Variants in RAB18 observed in about 807,000 individuals in gnomAD.
RAB18 encodes RAB18, member RAS oncogene family.
RAB18 carries 10 observed loss-of-function variants against 28.5 expected under a neutral mutation model. That is an observed-to-expected ratio of 0.35 (90% CI 0.22 to 0.60). RAB18 has a LOEUF of 0.60. Among genes scored for constraint, RAB18 ranks in the 20% least tolerant of loss-of-function variants. The pLI, the probability that RAB18 is intolerant of heterozygous loss-of-function variation, is 0.78. For missense variants in RAB18, 188 were observed against 244.2 expected (o/e 0.77, Z 1.53); for synonymous variants, 93 against 86.9 (o/e 1.07, Z -0.39).
At chr10:27,511,417 G>A (rs1465819204) in intron 2 of RAB18, among the ~76,000 whole-genome samples, 1 of 152,044 alleles carries the variant, frequency 6.6e-6, no homozygotes, top group Non-Finnish European at 1.5e-5. Flanking sequence ...TGTTGGCCAG[G>A]CTGGTCTTGA....
At chr10:27,522,097 T>C (rs1834571459) in intron 2 of RAB18, among the ~76,000 whole-genome samples, 1 of 152,140 alleles carries the variant, frequency 6.6e-6, no homozygotes, top group African/African-American at 2.4e-5. Context: ...TGGAATTCAG[T>C]CAGGCAATAA....
intron 2 of RAB18, among the ~76,000 whole-genome samples, chr10:27,510,646 G>T (rs1834306547): frequency 6.6e-6 from 1 of 152,160 alleles, no homozygotes; most frequent in South Asian, 2.1e-4. Context: ...GGTTGACTTT[G>T]CCTTGAATTA....
intron 1 of RAB18, chr10:27,504,974 A>G (rs749402953): frequency 2.4e-5 from 13 of 532,834 alleles, no homozygotes; most frequent in Non-Finnish European, 5.0e-5. Context: ...TTACTTTTTT[A>G]TTAGTCGGCT....
chr10:27,521,847 T>TA (rs150407024), intron 2 of RAB18, among the ~76,000 whole-genome samples: 5,385 of 140,734 alleles, frequency 0.038, 281 homozygotes, highest in African/African-American at 0.12. Context: ...CCTATTGAAA[T>TA]AAAAAAAAAA....
At position 27,539,198 on chromosome 10, in the gene RAB18, A is replaced by AT. The variant is rs1834968980; in HGVS notation, c.*1154dup. 3.0e-6 allele frequency: 1 copy of AT among 330,124 alleles called. No homozygotes were observed. Among genetic ancestry groups the AT allele is most frequent in the Non-Finnish European group, 5.9e-6 (1 of 170,134 alleles). 20.4% of individuals were successfully genotyped at this position (330,124 alleles called of 1,614,324 possible). ...CACCTCTTGCTATTGTATATTGTAGATTTTTTTCATTCATGTGTTATTTAA... is the reference window on the plus strand; with the variant it reads ...CACCTCTTGCTATTGTATATTGTAGATTTTTTTTCATTCATGTGTTATTTAA... On this transcript the variant is annotated 3_prime_UTR_variant, in exon 7 of 7. Coordinates refer to ENST00000356940, the MANE Select transcript of RAB18 (RefSeq NM_021252.5).
rs1278108188 is a variant in RAB18, at chr10:27,504,319, T to C, written c.-51T>C. 1.3e-6 allele frequency: 2 copies of C among 1,539,140 alleles called. No individual in the cohort carries two copies. Among genetic ancestry groups the C allele is most frequent in the Non-Finnish European group, 1.8e-6 (2 of 1,137,384 alleles). On this transcript the variant is annotated 5_prime_UTR_variant, in exon 1 of 7. Transcript: ENST00000356940. Reference sequence around the variant, plus strand: ...GCAGCAGCTCACTCTGCTGAAGGGCTGAGAGGCGCACCCGGGCGGCCAGCT... The same window carrying C: ...GCAGCAGCTCACTCTGCTGAAGGGCCGAGAGGCGCACCCGGGCGGCCAGCT...
Position 27,539,271 on chromosome 10 carries a change from C to T in RAB18, c.*1220C>T. 3 of 307,656 alleles carry T rather than the reference C, an allele frequency of 9.8e-6. No homozygotes were observed. The highest frequency in any genetic ancestry group is 6.3e-6 in the Non-Finnish European group (1 of 159,314). 19.1% of individuals were successfully genotyped at this position (307,656 alleles called of 1,614,324 possible). A position where few individuals can be genotyped will look rare whatever the true frequency, so the allele number is the denominator to read the frequency against. On this transcript the variant is annotated 3_prime_UTR_variant, in exon 7 of 7. Transcript: ENST00000356940. ...TAACCCCCCAAATAAGTTATTTGTC[C>T]TTTAAGGTTGGTTACTATAATACCC...
intron 1 of RAB18, chr10:27,504,691 A>G: frequency 2.8e-6 from 2 of 720,810 alleles, no homozygotes; most frequent in Non-Finnish European, 5.2e-6. Flanking sequence ...GCGCCGAGAA[A>G]ACACCATTCC....
chr10:27,509,631 T>A (rs556421858), intron 1 of RAB18, among the ~76,000 whole-genome samples: 35 of 152,290 alleles, frequency 2.3e-4, no homozygotes, highest in Admixed American at 3.9e-4. Context: ...CTTGGGGGAT[T>A]GTGTAGGAGA....
intron 4 of RAB18, among the ~76,000 whole-genome samples, chr10:27,533,222 A>G (rs560327572): frequency 6.6e-6 from 1 of 152,216 alleles, no homozygotes; most frequent in Admixed American, 6.5e-5. Context: ...GTTATAATGC[A>G]GAATGACATA....
intron 2 of RAB18, among the ~76,000 whole-genome samples, chr10:27,511,584 A>G (rs1055302404): frequency 2.6e-5 from 4 of 152,142 alleles, no homozygotes; most frequent in Admixed American, 2.6e-4. Context: ...AGAGTAAATA[A>G]TTATTTTGTA....
intron 2 of RAB18, among the ~76,000 whole-genome samples, chr10:27,522,589 T>TA (rs1277318038): frequency 2.0e-5 from 3 of 152,192 alleles, no homozygotes; most frequent in Admixed American, 1.3e-4. Context: ...TTTATTTCCT[T>TA]AAAGAGTTTT....
At chr10:27,536,578 C>G (rs981314884) in intron 6 of RAB18, among the ~76,000 whole-genome samples, 2 of 152,016 alleles carry the variant, frequency 1.3e-5, no homozygotes, top group Non-Finnish European at 2.9e-5. Context: ...AAGATTGAAC[C>G]CTGGGGGATT....
chr10:27,506,883 G>A (rs1188292550), intron 1 of RAB18, among the ~76,000 whole-genome samples: 1 of 151,836 alleles, frequency 6.6e-6, no homozygotes, highest in Admixed American at 6.6e-5. Context: ...TCAATACGTA[G>A]CAATGGATTA....
intron 6 of RAB18, among the ~76,000 whole-genome samples, chr10:27,535,899 C>T (rs769429472): frequency 2.0e-5 from 3 of 152,014 alleles, no homozygotes; most frequent in Non-Finnish European, 2.9e-5. Flanking sequence ...ATGGCTAACA[C>T]GGTGAAACCC....
intron 3 of RAB18, among the ~76,000 whole-genome samples, chr10:27,528,750 G>A (rs1834729279): frequency 6.6e-6 from 1 of 152,012 alleles, no homozygotes. Context: ...TTTAGAATGT[G>A]TAGCTGGAAG....
At chr10:27,520,931 A>AAAAG (rs1834538080) in intron 2 of RAB18, among the ~76,000 whole-genome samples, 1 of 150,234 alleles carries the variant, frequency 6.7e-6, no homozygotes, top group African/African-American at 2.4e-5. Context: ...AAAAAAAAAA[A>AAAAG]AAAAAAAAAA....
Position 27,531,099 on chromosome 10 carries a change from T to G in RAB18, c.187-1408T>G, listed in dbSNP as rs796423670. On this transcript the variant is annotated intron_variant, in intron 3 of 6. Transcript: ENST00000356940. ...AGAGAATTTTTGTAAAGAGAAAAAT[T>G]ATTTATTTTATAAATTTATCTGTTC... Among the ~76,000 whole-genome samples, 25 of 152,224 alleles carry G rather than the reference T, an allele frequency of 1.6e-4. 1 individual carries two copies. The highest frequency in any genetic ancestry group is 5.8e-4 in the African/African-American group (24 of 41,572).
intron 2 of RAB18, among the ~76,000 whole-genome samples, chr10:27,520,957 T>C (rs1834539785): frequency 6.7e-6 from 1 of 149,720 alleles, no homozygotes; most frequent in Non-Finnish European, 1.5e-5. Context: ...TTTTTTTTTC[T>C]CTTAACATTT....
Sources: allele counts gnomAD v4.1 joint callset (sites outside exome capture counted in the v4.1 genomes callset), GRCh38; gene constraint gnomAD v4.1.1; transcripts MANE v1.5; gene names NCBI Gene and HGNC (gene_info 2026-07-23, HGNC 2026-07-21).